CPVL: variants seen among roughly 807,000 people sequenced by gnomAD.
CPVL encodes the protein probable serine carboxypeptidase CPVL.
Under a neutral mutation model 63.7 loss-of-function variants are expected in CPVL, and 51 were observed. The observed-to-expected ratio is 0.80, with a 90% CI of 0.64 to 1.01. The LOEUF (loss-of-function observed/expected upper bound fraction) is 1.01, where lower values mean the gene tolerates loss of function less well. Among genes scored for constraint, CPVL ranks in the 50% least tolerant of loss-of-function variants. The pLI is 0.00. For missense variants in CPVL, 530 were observed against 573.1 expected (o/e 0.92, Z 0.77); for synonymous variants, 195 against 206.0 (o/e 0.95, Z 0.46).
chr7:29,170,574 A>C (rs1231347243), intron 5 of CPVL, among the ~76,000 whole-genome samples: 1 of 152,240 alleles, frequency 6.6e-6, no homozygotes, highest in African/African-American at 2.4e-5. Flanking sequence ...AAGAAAAATC[A>C]ACCATTACAT....
chr7:29,089,456 G>A (rs1436127152), intron 6 of CPVL, among the ~76,000 whole-genome samples: 1 of 152,206 alleles, frequency 6.6e-6, no homozygotes, highest in East Asian at 1.9e-4. Context: ...GTCACTGGCA[G>A]TGGACTTGAG....
chr7:29,171,511 C>T (rs1330053281), intron 5 of CPVL, among the ~76,000 whole-genome samples: 2 of 152,196 alleles, frequency 1.3e-5, no homozygotes, highest in Non-Finnish European at 2.9e-5. Flanking sequence ...GAATCCTCCT[C>T]AATTCAGCCC....
chr7:29,143,873 T>C (rs1038102353), intron 1 of CPVL, among the ~76,000 whole-genome samples: 2 of 152,194 alleles, frequency 1.3e-5, no homozygotes, highest in African/African-American at 4.8e-5. Flanking sequence ...AGCATGTGAT[T>C]TCATGTTCAA....
In CPVL at chr7:28,995,438, A is replaced by G. The variant is rs1204004402; in HGVS notation, c.*334T>C. The G allele has an allele frequency of 1.0e-5, 2 of 199,716 alleles. No homozygotes were observed. Among genetic ancestry groups the G allele is most frequent in the African/African-American group, 2.4e-5 (1 of 42,320 alleles). The allele number at this position is 199,716 out of a possible 1,614,324, so 12.4% of individuals were successfully genotyped here. On this transcript the variant is annotated 3_prime_UTR_variant, in exon 13 of 13. Transcript: ENST00000265394. Reference sequence around the variant, plus strand: ...AAAAGATGTTACAGCTTTGTTTGTTACAACTGCACTTTTCACTTACTCTTA... The same window carrying G: ...AAAAGATGTTACAGCTTTGTTTGTTGCAACTGCACTTTTCACTTACTCTTA...
chr7:29,041,210 C>T (rs1447242190), intron 11 of CPVL, among the ~76,000 whole-genome samples: 7 of 147,838 alleles, frequency 4.7e-5, no homozygotes, highest in Admixed American at 2.7e-4. Context: ...CGGCTCACTG[C>T]GACTTCTGCC....
chr7:29,069,972 T>C (rs1018387503), intron 9 of CPVL, among the ~76,000 whole-genome samples: 1 of 152,196 alleles, frequency 6.6e-6, no homozygotes, highest in African/African-American at 2.4e-5. Context: ...TTCTGACATT[T>C]ATATTCCCCT....
intron 5 of CPVL, among the ~76,000 whole-genome samples, chr7:29,167,053 T>C (rs1366247162): frequency 6.6e-6 from 1 of 152,134 alleles, no homozygotes; most frequent in Admixed American, 6.5e-5. Context: ...AAGTGAACAA[T>C]GTTTACAACT....
At chr7:29,075,892 T>G (rs1784191058) in intron 7 of CPVL, among the ~76,000 whole-genome samples, 1 of 150,576 alleles carries the variant, frequency 6.6e-6, no homozygotes, top group African/African-American at 2.4e-5. Flanking sequence ...ATTATTTTTA[T>G]GGAAAACAGG....
At chr7:29,147,035 G>A, upstream of CPVL, 1 of 1,540,414 alleles carries the variant, frequency 6.5e-7, no homozygotes, top group Non-Finnish European at 8.8e-7. Context: ...AGAGCCACCT[G>A]ATGTGTTCTG....
At chr7:29,046,354 G>C (rs935423659) in intron 11 of CPVL, among the ~76,000 whole-genome samples, 1 of 152,140 alleles carries the variant, frequency 6.6e-6, no homozygotes, top group Non-Finnish European at 1.5e-5. Context: ...AAAGTACTGG[G>C]ATTACAGGCG....
At chr7:29,050,281 A>G (rs929169083) in intron 11 of CPVL, among the ~76,000 whole-genome samples, 2 of 152,168 alleles carry the variant, frequency 1.3e-5, no homozygotes, top group African/African-American at 4.8e-5. Context: ...AAGCTCCTAG[A>G]ACTGATAAAA....
At chr7:29,193,176 C>T (rs1405725444) in intron 1 of CPVL, 2 of 152,180 alleles carry the variant, frequency 1.3e-5, no homozygotes, top group Non-Finnish European at 2.9e-5. Context: ...AGAGTGCTCA[C>T]ACTCCTTTAA....
At chr7:29,094,418 C>T (rs748546361) in intron 5 of CPVL, among the ~76,000 whole-genome samples, 9 of 151,788 alleles carry the variant, frequency 5.9e-5, no homozygotes, top group East Asian at 1.9e-4. Context: ...AAAGATTAGA[C>T]GATTGTGAAA....
intron 12 of CPVL, among the ~76,000 whole-genome samples, chr7:29,004,904 T>G (rs1443744230): frequency 1.3e-5 from 2 of 150,272 alleles, no homozygotes; most frequent in Admixed American, 6.6e-5. Context: ...TTCTTTTCTT[T>G]TTTTTTTTTT....
intron 5 of CPVL, among the ~76,000 whole-genome samples, chr7:29,153,424 T>C (rs995671713): frequency 7.2e-5 from 11 of 152,168 alleles, no homozygotes; most frequent in African/African-American, 2.7e-4. Flanking sequence ...CCTTTTCTGG[T>C]TTTGCCACCC....
At chr7:29,027,309 A>T (rs1212979147) in intron 12 of CPVL, among the ~76,000 whole-genome samples, 1 of 152,190 alleles carries the variant, frequency 6.6e-6, no homozygotes, top group Non-Finnish European at 1.5e-5. Flanking sequence ...AAAACTGTCA[A>T]CAAATCAGGC....
chr7:29,100,562 T>C (rs1020878420), intron 3 of CPVL, among the ~76,000 whole-genome samples: 2 of 152,186 alleles, frequency 1.3e-5, no homozygotes, highest in Non-Finnish European at 2.9e-5. Context: ...CCTGGCACAA[T>C]GAACCGGACC....
chr7:29,146,565 A>G, upstream of CPVL: 3 of 1,537,202 alleles, frequency 2.0e-6, no homozygotes, highest in East Asian at 4.9e-5. Flanking sequence ...CGAGCCTTTA[A>G]GCGCTCCTCT....
intron 12 of CPVL, chr7:29,013,245 C>T (rs1048524419): frequency 2.6e-5 from 4 of 152,270 alleles, no homozygotes; most frequent in Admixed American, 6.5e-5. Context: ...CAGCTTTAGC[C>T]AAACTCCCAG....
Sources: gnomAD v4.1 joint callset for allele counts (sites outside exome capture counted in the v4.1 genomes callset) on GRCh38, gnomAD v4.1.1 for gene constraint, MANE v1.5 for transcripts, NCBI Gene and HGNC (gene_info 2026-07-23, HGNC 2026-07-21) for gene names.